The following TTC17 variants were observed in gnomAD, a reference collection of about 807,000 sequenced individuals.
TTC17 encodes the protein tetratricopeptide repeat protein 17.
In TTC17, 58 loss-of-function variants were observed where a neutral mutation model predicts 143.8. That is an observed-to-expected ratio of 0.40 (90% confidence interval 0.33 to 0.50). The LOEUF is 0.50. TTC17 is among the 20% of genes least tolerant of loss of function. The pLI, the probability that TTC17 is intolerant of heterozygous loss-of-function variation, is 0.49. For missense variants in TTC17, 1,273 were observed against 1,392.5 expected (o/e 0.91, Z 1.37); for synonymous variants, 501 against 497.8 (o/e 1.01, Z -0.09).
chr11:43,492,750 A>G (rs1251376999), intron 23 of TTC17, among the ~76,000 whole-genome samples: 1 of 152,230 alleles, frequency 6.6e-6, no homozygotes, highest in Admixed American at 6.5e-5. Context: ...ATGGAATACC[A>G]TTTACAGAGA....
chr11:43,447,212 A>G lies in TTC17; in HGVS notation c.2666-790A>G, dbSNP rs1027125851. ...ACTTAAAAAAAGAAAAATGGAAAAA[A>G]CTTAACCACATGAGGTTAAAAAAAG... On this transcript the variant is annotated intron_variant, in intron 18 of 23. Transcript: ENST00000039989. 3.3e-5 allele frequency among the ~76,000 whole-genome samples: 5 copies of G among 152,232 alleles called. No homozygotes were observed. In the South Asian group the frequency reaches 1.0e-3, roughly 32 times the overall value.
chr11:43,374,663 A>G lies in TTC17; in HGVS notation c.160-4570A>G, dbSNP rs115003977. 6.1e-3 allele frequency among the ~76,000 whole-genome samples: 934 copies of G among 152,162 alleles called. 13 individuals are homozygous for G. The highest frequency in any genetic ancestry group is 0.021 in the African/African-American group (881 of 41,512). On this transcript the variant is annotated intron_variant, in intron 1 of 23. Coordinates refer to ENST00000039989, the MANE Select transcript of TTC17 (RefSeq NM_018259.6). ...GCCAACAAATATGAAAAAATGCTCA[A>G]CATCACTAATCACTAGAGAAGTGCA...
In TTC17 at chr11:43,359,810, C is replaced by T. The variant is rs373979545; in HGVS notation, c.159+697C>T. ...TTGTTTCTTTACCTAGTTCTTGTGA[C>T]CCAGCCTCGCATGGAGGATATGCGA... On this transcript the variant is annotated intron_variant, in intron 1 of 23. Coordinates refer to ENST00000039989, the MANE Select transcript of TTC17 (RefSeq NM_018259.6). Among the ~76,000 whole-genome samples, 6 of 152,226 alleles carry T rather than the reference C, an allele frequency of 3.9e-5. No individual in the cohort carries two copies. The South Asian group carries it at 1.2e-3, about 31-fold the overall frequency.
rs533329583 is a variant in TTC17, at chr11:43,364,951, A to G, written c.159+5838A>G. ...CTCCTGAGTAGCTGGGATTATAGGC[A>G]TGTACCACCACGCCCGGCTAATTTT... is the stretch of plus-strand genomic sequence containing the variant. On this transcript the variant is annotated intron_variant, in intron 1 of 23. Coordinates refer to ENST00000039989, the MANE Select transcript of TTC17 (RefSeq NM_018259.6). Among the ~76,000 whole-genome samples, 12 of 152,076 alleles carry G rather than the reference A, an allele frequency of 7.9e-5. No homozygotes were observed. The South Asian group carries it at 2.3e-3, about 29-fold the overall frequency.
At chr11:43,452,725 C>T (rs183552214) in intron 21 of TTC17, among the ~76,000 whole-genome samples, 1 of 152,156 alleles carries the variant, frequency 6.6e-6, no homozygotes, top group African/African-American at 2.4e-5. Flanking sequence ...CATTTGAGCC[C>T]AGGAGTTTGA....
chr11:43,462,158 A>C (rs1257835051), intron 21 of TTC17, among the ~76,000 whole-genome samples: 1 of 152,012 alleles, frequency 6.6e-6, no homozygotes, highest in Non-Finnish European at 1.5e-5. Flanking sequence ...AATAAGAAGC[A>C]TTACTGGAGT....
At chr11:43,452,067 T>C (rs2134757680) in intron 21 of TTC17, among the ~76,000 whole-genome samples, 1 of 152,300 alleles carries the variant, frequency 6.6e-6, no homozygotes, top group South Asian at 2.1e-4. Flanking sequence ...CAGGATGAAT[T>C]GTAGCAGAAT....
chr11:43,379,458 A>ATGTGTG (rs72448738), intron 2 of TTC17, 136 bp downstream of exon 2: 3 of 623,312 alleles, frequency 4.8e-6, no homozygotes, highest in African/African-American at 3.9e-5. Flanking sequence ...ACTACCTGCA[A>ATGTGTG]TGTGTGTGTG....
chr11:43,436,278 A>G, intron 16 of TTC17: 1 of 1,390,652 alleles, frequency 7.2e-7, no homozygotes, highest in Middle Eastern at 1.8e-4. Flanking sequence ...ACAGAGGAGG[A>G]CCCTGTATTC....
At chr11:43,374,506 C>G (rs1856688952) in intron 1 of TTC17, among the ~76,000 whole-genome samples, 1 of 150,658 alleles carries the variant, frequency 6.6e-6, no homozygotes, top group African/African-American at 2.4e-5. Flanking sequence ...AAACTATTCT[C>G]AAACTATGCA....
chr11:43,383,416 A>G (rs530168150), intron 2 of TTC17, among the ~76,000 whole-genome samples: 2 of 152,170 alleles, frequency 1.3e-5, no homozygotes, highest in Non-Finnish European at 1.5e-5. Flanking sequence ...CGATGGCGCA[A>G]TCTCAGCTCA....
At chr11:43,405,458 G>A (rs1858075815) in intron 11 of TTC17, 56 bp from the exon 12 acceptor site, 1 of 1,256,280 alleles carries the variant, frequency 8.0e-7, no homozygotes, top group African/African-American at 1.5e-5. Context: ...AGTTTATTTA[G>A]CATATTGAAA....
chr11:43,374,112 A>G (rs952847713), intron 1 of TTC17, among the ~76,000 whole-genome samples: 7 of 152,242 alleles, frequency 4.6e-5, no homozygotes, highest in African/African-American at 1.4e-4. Context: ...CCTAGCATAT[A>G]CCTGAAAGCA....
chr11:43,368,354 C>A (rs189947866), intron 1 of TTC17, among the ~76,000 whole-genome samples: 3 of 152,304 alleles, frequency 2.0e-5, no homozygotes, highest in African/African-American at 7.2e-5. Flanking sequence ...TAGTTGTCAT[C>A]ACAAATACAT....
intron 21 of TTC17, among the ~76,000 whole-genome samples, chr11:43,470,344 T>C (rs906247828): frequency 6.6e-6 from 1 of 152,116 alleles, no homozygotes; most frequent in Non-Finnish European, 1.5e-5. Flanking sequence ...AGGGAACAAA[T>C]CAATTTATTA....
intron 19 of TTC17, 139 bp from the exon 20 acceptor site, chr11:43,449,943 A>T: frequency 1.0e-6 from 1 of 966,944 alleles, no homozygotes; most frequent in Non-Finnish European, 1.5e-6. Flanking sequence ...TACTTCGTTT[A>T]AAATCAGGGG....
At chr11:43,416,117 A>G (rs1220813629) in intron 16 of TTC17, among the ~76,000 whole-genome samples, 2 of 152,168 alleles carry the variant, frequency 1.3e-5, no homozygotes, top group African/African-American at 4.8e-5. Context: ...TTAAAGGTGC[A>G]AATTGTGAAT....
intron 21 of TTC17, among the ~76,000 whole-genome samples, chr11:43,479,320 C>T (rs1031211794): frequency 2.0e-5 from 3 of 151,712 alleles, no homozygotes; most frequent in Non-Finnish European, 4.4e-5. Flanking sequence ...GATGTGATTA[C>T]AAAGATGAGA....
At position 43,396,789 on chromosome 11, in the gene TTC17, T is replaced by C; in HGVS notation, c.744T>C (p.Cys248=). 6.2e-7 allele frequency: 1 copy of C among 1,610,724 alleles called. No individual in the cohort carries two copies. Among genetic ancestry groups the C allele is most frequent in the Non-Finnish European group, 8.5e-7 (1 of 1,177,436 alleles). The change falls in exon 6 of 24, where the codon TGT becomes TGC. Residue 248 remains cysteine (C), a synonymous_variant. Coordinates refer to ENST00000039989, the MANE Select transcript of TTC17 (RefSeq NM_018259.6). Reference sequence around the variant, plus strand: ...ATGAGCCATATCAGGTAGTAGAATGTGCCATGCGAGCACTTCACTTCTCTT... The same window carrying C: ...ATGAGCCATATCAGGTAGTAGAATGCGCCATGCGAGCACTTCACTTCTCTT... ...IKNEPYQVVE[C]AMRALHFSSR...
Sources: gnomAD v4.1 joint callset for allele counts (sites outside exome capture counted in the v4.1 genomes callset) on GRCh38, gnomAD v4.1.1 for gene constraint, MANE v1.5 for transcripts, NCBI Gene and HGNC (gene_info 2026-07-23, HGNC 2026-07-21) for gene names.